The following GPR35 variants were observed in gnomAD, a reference collection of about 807,000 sequenced individuals.
GPR35 encodes KYNA receptor.
For missense variants in GPR35, 372 were observed against 422.5 expected, an observed-to-expected ratio of 0.88 and a Z score of 1.05; for synonymous variants, 207 against 198.4, an observed-to-expected ratio of 1.04 and a Z score of -0.36.
upstream of GPR35, among the ~76,000 whole-genome samples, chr2:240,622,325 A>G (rs768749301): frequency 8.5e-5 from 13 of 152,116 alleles, no homozygotes; most frequent in Non-Finnish European, 1.5e-4. Flanking sequence ...GCTGGCAGGT[A>G]TGTGCCTCAT....
chr2:240,630,765 G>A lies in GPR35; in HGVS notation c.813G>A (p.Leu271=), dbSNP rs747247304. 2 of 1,613,452 alleles carry A rather than the reference G, an allele frequency of 1.2e-6. No individual in the cohort carries two copies. The highest frequency in any genetic ancestry group is 1.6e-4 in the Middle Eastern group (1 of 6,084). ...AGCTCTCAGATGCCAACTGCTGCCT[G>A]GACGCCATCTGCTACTACTACATGG... ...TSKLSDANCC[L]DAICYYYMAK... The change falls in exon 2 of 2, where the codon CTG becomes CTA. Residue 271 remains leucine (L), a synonymous_variant. Transcript: ENST00000407714.
At chr2:240,621,411 C>T (rs772454481), upstream of GPR35, among the ~76,000 whole-genome samples, 9 of 152,054 alleles carry the variant, frequency 5.9e-5, no homozygotes, top group East Asian at 3.9e-4. Context: ...CGCGCCACCA[C>T]GCCCAGCTAA....
At chr2:240,607,969 G>T (rs962067076) in intron 2 of GPR35, among the ~76,000 whole-genome samples, 2 of 151,964 alleles carry the variant, frequency 1.3e-5, no homozygotes, top group Non-Finnish European at 2.9e-5. Flanking sequence ...TTAACTCACT[G>T]TAGTCTCAAA....
intron 3 of GPR35, chr2:240,617,068 A>G (rs1260937047): frequency 1.4e-5 from 10 of 718,642 alleles, no homozygotes; most frequent in Middle Eastern, 3.5e-4. Context: ...GACTCATGAA[A>G]GACCTGAAAC....
At chr2:240,623,398 G>A (rs77488690), upstream of GPR35, among the ~76,000 whole-genome samples, 1,416 of 61,826 alleles carry the variant, frequency 0.023, 125 homozygotes, top group South Asian at 0.052. Flanking sequence ...CAAACAGGTC[G>A]TGAGGGCGCA....
At chr2:240,625,383 AC>A, upstream of GPR35, 1 of 985,270 alleles carries the variant, frequency 1.0e-6, no homozygotes, top group East Asian at 1.1e-4. Flanking sequence ...AACTCCTGTT[AC>A]CCCTGACCTG....
rs576358855 is a variant in GPR35 at position 240,616,278 on chromosome 2, G to A, written c.-576-110G>A. The A allele has an allele frequency of 2.3e-4, 149 of 639,988 alleles. No individual in the cohort carries two copies. In the East Asian group the frequency reaches 3.5e-3, roughly 15 times the overall value. 39.6% of individuals were successfully genotyped at this position (639,988 alleles called of 1,614,324 possible). A position where few individuals can be genotyped will look rare whatever the true frequency, so the allele number is the denominator to read the frequency against. On this transcript the variant is annotated intron_variant, in intron 2 of 5. Coordinates refer to the GPR35 transcript ENST00000319838. ...CCATTGGGCTCGTGGTCCCAACCTC[G>A]ACAGCAGTGGCTCCACAGGATGCAT...
At chr2:240,607,214 C>T (rs1030626401) in intron 2 of GPR35, 1 of 150,706 alleles carries the variant, frequency 6.6e-6, no homozygotes, top group Non-Finnish European at 1.5e-5. Context: ...CAGGATCTCA[C>T]TCTGTTTGTC....
chr2:240,613,756 C>T (rs1559433587), intron 2 of GPR35, among the ~76,000 whole-genome samples: 1 of 151,826 alleles, frequency 6.6e-6, no homozygotes, highest in Non-Finnish European at 1.5e-5. Context: ...CGAACCCTAA[C>T]CCTAACCGAA....
chr2:240,622,039 A>ATT (rs34528477), upstream of GPR35, among the ~76,000 whole-genome samples: 74 of 145,760 alleles, frequency 5.1e-4, no homozygotes, highest in East Asian at 2.8e-3. Context: ...TGCGTGGCTG[A>ATT]TTTTTTTTTT....
chr2:240,628,363 G>A (rs368504740), intron 1 of GPR35: 2 of 152,362 alleles, frequency 1.3e-5, no homozygotes, highest in East Asian at 3.9e-4. Context: ...GAGAAAGCAA[G>A]CAGGACCCTC....
chr2:240,614,076 T>A (rs74594728), intron 2 of GPR35, among the ~76,000 whole-genome samples: 4,509 of 152,020 alleles, frequency 0.03, 208 homozygotes, highest in African/African-American at 0.1. Context: ...ATGCCTCATG[T>A]GGACCCGAAC....
rs199886367 is a variant in GPR35, at chr2:240,630,650, T to C, written c.698T>C (p.Leu233Pro). ...LLVFVVCFLP[L>P]HVGLTVRLAV... is the part of the protein sequence containing the mutation. The stretch of plus-strand genomic sequence containing the variant: ...GTGTTCGTGGTCTGCTTCCTGCCCC[T>C]GCACGTGGGGCTGACAGTGCGCCTC... The change falls in exon 2 of 2, where the codon CTG (leucine) becomes CCG (proline). Residue 233 changes from leucine (L) to proline (P), a missense_variant. Transcript: ENST00000407714. 165 of 1,613,040 alleles carry C rather than the reference T, an allele frequency of 1.0e-4. No individual in the cohort carries two copies. Among genetic ancestry groups the C allele is most frequent in the Non-Finnish European group, 1.3e-4 (159 of 1,180,030 alleles).
chr2:240,629,838 G>A (rs1288867436), intron 1 of GPR35, 111 bp from the exon 2 acceptor site: 3 of 887,942 alleles, frequency 3.4e-6, no homozygotes, highest in Non-Finnish European at 5.2e-6. Context: ...TGGGTGTGGG[G>A]TCGGGGCTCA....
intron 1 of GPR35, 101 bp from the exon 2 acceptor site, chr2:240,629,848 A>T: frequency 9.8e-7 from 1 of 1,018,670 alleles, no homozygotes; most frequent in Non-Finnish European, 1.4e-6. Context: ...GTCGGGGCTC[A>T]CCTCCTCCCA....
rs1315408577 is a variant in GPR35, at chr2:240,631,517, G to A, written c.*635G>A. On this transcript the variant is annotated 3_prime_UTR_variant, in exon 2 of 2. Transcript: ENST00000407714. ...AGGGCTGGGAGCAGCTGATCTCCAT[G>A]TAGGGGCTGCACAGCGGTGCAAGGG... is the stretch of plus-strand genomic sequence containing the variant. Among the ~76,000 whole-genome samples the A allele has an allele frequency of 6.6e-6, 1 of 150,550 alleles. No homozygotes were observed. Among genetic ancestry groups the A allele is most frequent in the Non-Finnish European group, 1.5e-5 (1 of 67,552 alleles).
intron 2 of GPR35, among the ~76,000 whole-genome samples, chr2:240,613,939 CTAACCCTAACCCTAACTCAACCCAAACCT>C (rs1387050544): frequency 6.6e-6 from 1 of 151,894 alleles, no homozygotes; most frequent in African/African-American, 2.4e-5. Context: ...AACCGAAACT[CTAACCCTAACCCTAACTCAACCCAAACCT>C]TAACCCTAAC....
At chr2:240,606,155 A>G (rs1047410940) in intron 1 of GPR35, among the ~76,000 whole-genome samples, 3 of 152,196 alleles carry the variant, frequency 2.0e-5, no homozygotes, top group Non-Finnish European at 2.9e-5. Context: ...GGCTGGGACC[A>G]CAACACTCAC....
intron 2 of GPR35, among the ~76,000 whole-genome samples, chr2:240,608,746 T>C (rs560273277): frequency 6.6e-6 from 1 of 152,202 alleles, no homozygotes; most frequent in Non-Finnish European, 1.5e-5. Context: ...GGGTAAAACT[T>C]GACTTAGAAA....
Sources: allele counts gnomAD v4.1 joint callset (sites outside exome capture counted in the v4.1 genomes callset), GRCh38; gene constraint gnomAD v4.1.1; transcripts MANE v1.5; gene names NCBI Gene and HGNC (gene_info 2026-07-23, HGNC 2026-07-21).